The following KCNH5 variants were observed in gnomAD, a reference collection of about 807,000 sequenced individuals.
The protein encoded by KCNH5 is voltage-gated delayed rectifier potassium channel KCNH5.
Under a neutral mutation model 96.1 loss-of-function variants are expected in KCNH5, and 46 were observed. That is an observed-to-expected ratio of 0.48 (90% CI 0.38 to 0.61). The LOEUF is 0.61. Ranked by LOEUF, KCNH5 falls within the 20% of genes least tolerant of loss-of-function variation. KCNH5 has a pLI of 0.00. For missense variants in KCNH5, 907 were observed against 1,225.8 expected, an observed-to-expected ratio of 0.74 and a Z score of 3.88; for synonymous variants, 439 against 449.8, an observed-to-expected ratio of 0.98 and a Z score of 0.30.
At chr14:62,898,491 A>G (rs1888859456) in intron 7 of KCNH5, among the ~76,000 whole-genome samples, 1 of 152,192 alleles carries the variant, frequency 6.6e-6, no homozygotes, top group Non-Finnish European at 1.5e-5. Context: ...ACAAAGTAAG[A>G]TTACAGACAT....
chr14:62,896,652 T>C (rs542416434), intron 7 of KCNH5, among the ~76,000 whole-genome samples: 3 of 152,294 alleles, frequency 2.0e-5, no homozygotes, highest in East Asian at 1.9e-4. Flanking sequence ...ATATGGAGTA[T>C]GAAGTGAATT....
chr14:62,953,538 C>A (rs946140129), intron 6 of KCNH5, among the ~76,000 whole-genome samples: 7 of 152,118 alleles, frequency 4.6e-5, no homozygotes, highest in African/African-American at 1.7e-4. Context: ...TAAAGGGAAC[C>A]GTTTGCTTCT....
At chr14:63,007,724 A>C (rs1891153030) in intron 2 of KCNH5, among the ~76,000 whole-genome samples, 1 of 152,168 alleles carries the variant, frequency 6.6e-6, no homozygotes, top group Non-Finnish European at 1.5e-5. Context: ...TGACATTCTC[A>C]TCATTTCAGG....
intron 10 of KCNH5, among the ~76,000 whole-genome samples, chr14:62,761,895 C>A (rs1465433589): frequency 1.3e-5 from 2 of 152,022 alleles, no homozygotes; most frequent in African/African-American, 4.8e-5. Flanking sequence ...AGGATGCAGA[C>A]CCTGGGGTGA....
At chr14:62,895,405 A>G (rs1243038007) in intron 7 of KCNH5, among the ~76,000 whole-genome samples, 2 of 151,802 alleles carry the variant, frequency 1.3e-5, no homozygotes, top group South Asian at 2.1e-4. Flanking sequence ...ATCTCAGTTC[A>G]CTGCAACCTC....
At chr14:62,921,040 G>T (rs1044772110) in intron 7 of KCNH5, among the ~76,000 whole-genome samples, 3 of 152,000 alleles carry the variant, frequency 2.0e-5, no homozygotes, top group African/African-American at 7.2e-5. Context: ...GTTTTTGTAT[G>T]GCTCTCTCTC....
chr14:62,901,097 T>C (rs1447132935), intron 7 of KCNH5, among the ~76,000 whole-genome samples: 1 of 152,134 alleles, frequency 6.6e-6, no homozygotes, highest in Non-Finnish European at 1.5e-5. Context: ...CAAGCACTAC[T>C]CCTGCCTCAG....
intron 10 of KCNH5, among the ~76,000 whole-genome samples, chr14:62,720,093 A>G (rs543755157): frequency 1.3e-5 from 2 of 152,296 alleles, no homozygotes; most frequent in African/African-American, 4.8e-5. Context: ...GGGAGGTGAT[A>G]TTTGAGCGAG....
chr14:62,941,232 A>G (rs1595693348), intron 7 of KCNH5, among the ~76,000 whole-genome samples: 1 of 152,350 alleles, frequency 6.6e-6, no homozygotes, highest in Admixed American at 6.5e-5. Context: ...GGCTATCAAG[A>G]AAATGTCATG....
chr14:62,836,640 A>G (rs1209964221), intron 8 of KCNH5, among the ~76,000 whole-genome samples: 1 of 152,192 alleles, frequency 6.6e-6, no homozygotes, highest in Non-Finnish European at 1.5e-5. Flanking sequence ...AAAGAAAACC[A>G]AAGTTAAAAG....
intron 9 of KCNH5, among the ~76,000 whole-genome samples, chr14:62,785,841 A>G (rs886339515): frequency 1.3e-5 from 2 of 152,210 alleles, no homozygotes; most frequent in African/African-American, 4.8e-5. Context: ...TTATTTTTTC[A>G]AATGTGAGAC....
intron 6 of KCNH5, among the ~76,000 whole-genome samples, chr14:62,958,724 T>C (rs1410268752): frequency 6.6e-6 from 1 of 152,108 alleles, no homozygotes. Context: ...AAAATTCAAG[T>C]CCTGGCTCAA....
intron 10 of KCNH5, among the ~76,000 whole-genome samples, chr14:62,738,013 A>G (rs1268116485): frequency 6.6e-6 from 1 of 152,170 alleles, no homozygotes; most frequent in Admixed American, 6.6e-5. Flanking sequence ...GAGATTAAAA[A>G]CAATTAATCA....
intron 10 of KCNH5, among the ~76,000 whole-genome samples, chr14:62,753,617 C>G (rs1013836901): frequency 6.6e-6 from 1 of 152,150 alleles, no homozygotes; most frequent in African/African-American, 2.4e-5. Flanking sequence ...AAATAACATA[C>G]AGTGGAGCTC....
intron 7 of KCNH5, among the ~76,000 whole-genome samples, chr14:62,869,887 T>G (rs1888217086): frequency 6.6e-6 from 1 of 152,204 alleles, no homozygotes; most frequent in South Asian, 2.1e-4. Context: ...GAAAACTGGC[T>G]AGCCATATGC....
chr14:62,797,072 C>T (rs994744172), intron 9 of KCNH5, among the ~76,000 whole-genome samples: 32 of 152,052 alleles, frequency 2.1e-4, no homozygotes, highest in African/African-American at 7.5e-4. Flanking sequence ...TTTCCTTTCA[C>T]ACCCAGGACC....
In KCNH5 at chr14:63,045,305, CGCG is replaced by C; in HGVS notation, c.-122_-120del. On this transcript the variant is annotated 5_prime_UTR_variant, in exon 1 of 11. Transcript: ENST00000322893. ...AAGATTGAGCCGAAAGAAGAGGGGG[CGCG>C]GCGGCGGCGACGGGGTCCCCTGACT... 12 of 825,944 alleles carry C rather than the reference CGCG, an allele frequency of 1.5e-5. No homozygotes were observed. The highest frequency in any genetic ancestry group is 6.0e-5 in the South Asian group (4 of 66,804). 51.2% of individuals were successfully genotyped at this position (825,944 alleles called of 1,614,324 possible). A position where few individuals can be genotyped will look rare whatever the true frequency, so the allele number is the denominator to read the frequency against.
chr14:62,919,467 T>C (rs1889339755), intron 7 of KCNH5, among the ~76,000 whole-genome samples: 1 of 152,168 alleles, frequency 6.6e-6, no homozygotes, highest in Non-Finnish European at 1.5e-5. Context: ...GATGATTAAA[T>C]TGAGAGCATC....
At chr14:62,863,143 T>C (rs943080805) in intron 7 of KCNH5, among the ~76,000 whole-genome samples, 3 of 152,202 alleles carry the variant, frequency 2.0e-5, no homozygotes, top group Admixed American at 6.6e-5. Flanking sequence ...GTCTTTAACG[T>C]GTGTTGACAT....
Sources: gnomAD v4.1 joint callset for allele counts (sites outside exome capture counted in the v4.1 genomes callset) on GRCh38, gnomAD v4.1.1 for gene constraint, MANE v1.5 for transcripts, NCBI Gene and HGNC (gene_info 2026-07-23, HGNC 2026-07-21) for gene names.